The following METTL25 variants were observed in gnomAD, a reference collection of about 807,000 sequenced individuals.
METTL25 encodes the protein methyltransferase like 25.
Under a neutral mutation model 71.6 loss-of-function variants are expected in METTL25, and 64 were observed. That is an observed-to-expected ratio of 0.89 (90% confidence interval 0.73 to 1.10). METTL25 has a LOEUF of 1.10. Among genes scored for constraint, METTL25 ranks in the 50% least tolerant of loss-of-function variants. METTL25 has a pLI of 0.00. For synonymous variants in METTL25, 287 were observed against 250.3 expected (o/e 1.15, Z -1.38); for missense variants, 807 against 707.0 (o/e 1.14, Z -1.60).
At chr12:82,383,554 T>G (rs1189217892) in intron 1 of METTL25, among the ~76,000 whole-genome samples, 1 of 152,116 alleles carries the variant, frequency 6.6e-6, no homozygotes, top group East Asian at 1.9e-4. Flanking sequence ...ACATGAAAGG[T>G]AAAGTGCTTA....
intron 9 of METTL25, among the ~76,000 whole-genome samples, chr12:82,465,991 G>GT (rs71068931): frequency 0.95 from 133,995 of 141,206 alleles, 63,620 homozygotes; most frequent in South Asian, 0.97. Flanking sequence ...CTTCTTGCCT[G>GT]TTTTTTTTTT....
chr12:82,405,237 CTT>C (rs1446011789), intron 5 of METTL25, among the ~76,000 whole-genome samples: 8 of 152,294 alleles, frequency 5.3e-5, no homozygotes, highest in East Asian at 3.9e-4. Flanking sequence ...CTCTCACACT[CTT>C]TTCTGCACAG....
At chr12:82,406,664 A>G (rs2137041779) in intron 5 of METTL25, among the ~76,000 whole-genome samples, 1 of 152,318 alleles carries the variant, frequency 6.6e-6, no homozygotes, top group South Asian at 2.1e-4. Context: ...AACATAAAAT[A>G]TGGCACTAGT....
At chr12:82,434,927 G>A (rs1412033315) in intron 7 of METTL25, among the ~76,000 whole-genome samples, 2 of 151,410 alleles carry the variant, frequency 1.3e-5, no homozygotes, top group African/African-American at 4.8e-5. Context: ...GAAAATGTCT[G>A]CATTATGCTC....
At chr12:82,395,603 G>A (rs769574776) in intron 3 of METTL25, among the ~76,000 whole-genome samples, 4 of 151,978 alleles carry the variant, frequency 2.6e-5, no homozygotes, top group Non-Finnish European at 5.9e-5. Context: ...TCAGCAAAAT[G>A]TATCTTTACT....
intron 1 of METTL25, among the ~76,000 whole-genome samples, chr12:82,367,121 A>G (rs1040368962): frequency 1.3e-5 from 2 of 152,106 alleles, no homozygotes; most frequent in Admixed American, 6.5e-5. Flanking sequence ...CCCTTTCCCC[A>G]TATCTTTCAA....
intron 5 of METTL25, among the ~76,000 whole-genome samples, chr12:82,404,134 A>C (rs556398055): frequency 2.0e-5 from 3 of 152,260 alleles, no homozygotes; most frequent in African/African-American, 7.2e-5. Context: ...ATAGTTAATT[A>C]AATTATAATT....
intron 9 of METTL25, among the ~76,000 whole-genome samples, chr12:82,471,982 T>A (rs912781816): frequency 6.6e-6 from 1 of 152,226 alleles, no homozygotes; most frequent in African/African-American, 2.4e-5. Flanking sequence ...ATTTACTTAA[T>A]ATGAATTTTT....
At chr12:82,393,905 T>G (rs1266905392) in intron 3 of METTL25, among the ~76,000 whole-genome samples, 1 of 152,038 alleles carries the variant, frequency 6.6e-6, no homozygotes, top group Admixed American at 6.6e-5. Context: ...TTAGTACTAC[T>G]TTTGCTGTAT....
chr12:82,372,593 C>T lies in METTL25; in HGVS notation c.259+13769C>T, dbSNP rs1883354130. ...ATAGTATTGTAATTTGTACTGCCCT[C>T]AGGTGGCCATTTTTCCCCATCAGAG... On this transcript the variant is annotated intron_variant, in intron 1 of 11. Transcript: ENST00000248306. Among the ~76,000 whole-genome samples the T allele has an allele frequency of 2.0e-5, 3 of 152,314 alleles. No homozygotes were observed. The South Asian group carries it at 6.2e-4, about 32-fold the overall frequency.
intron 1 of METTL25, among the ~76,000 whole-genome samples, chr12:82,380,889 G>C (rs1483829040): frequency 6.6e-6 from 1 of 152,160 alleles, no homozygotes; most frequent in Non-Finnish European, 1.5e-5. Flanking sequence ...GGTAACATTT[G>C]AGCAAACACC....
At chr12:82,371,234 T>C (rs1283498061) in intron 1 of METTL25, among the ~76,000 whole-genome samples, 2 of 152,138 alleles carry the variant, frequency 1.3e-5, no homozygotes, top group African/African-American at 2.4e-5. Flanking sequence ...CCTCAATTGT[T>C]AAAAGTACCC....
chr12:82,363,275 T>A (rs1268299430), intron 1 of METTL25, among the ~76,000 whole-genome samples: 2 of 152,192 alleles, frequency 1.3e-5, no homozygotes, highest in African/African-American at 4.8e-5. Flanking sequence ...TCCCACAAGT[T>A]TGCTGCACCT....
At chr12:82,387,144 A>C (rs1885114930) in intron 2 of METTL25, among the ~76,000 whole-genome samples, 177 bp downstream of exon 2, 1 of 152,170 alleles carries the variant, frequency 6.6e-6, no homozygotes, top group African/African-American at 2.4e-5. Flanking sequence ...TATATTAAAC[A>C]GAACAACTTG....
Position 82,358,597 on chromosome 12 carries a change from C to T in METTL25, c.32C>T (p.Pro11Leu). The change falls in exon 1 of 12, where the codon CCG becomes CTG. Residue 11 changes from proline to leucine, a missense_variant. By Grantham distance (98) the Pro-to-Leu change is moderately conservative. Transcript: ENST00000248306. MAASCPLPVT[P>L]DLPTLRAKLQ... Reference sequence around the variant, plus strand: ...GCTTCTTGCCCTCTCCCGGTGACCCCGGACCTGCCCACGCTGCGTGCCAAG... The same window carrying T: ...GCTTCTTGCCCTCTCCCGGTGACCCTGGACCTGCCCACGCTGCGTGCCAAG... The T allele has an allele frequency of 6.2e-7, 1 of 1,613,016 alleles. No homozygotes were observed. The highest frequency in any genetic ancestry group is 1.1e-5 in the South Asian group (1 of 91,084).
At chr12:82,384,726 G>T (rs140655463) in intron 1 of METTL25, among the ~76,000 whole-genome samples, 140 of 151,940 alleles carry the variant, frequency 9.2e-4, no homozygotes, top group Non-Finnish European at 1.7e-3. Context: ...ATGTTGGATT[G>T]GATTTTTTTC....
rs905753982 is a variant in METTL25, at chr12:82,415,598, A to G, written c.1279+12468A>G. 3.3e-5 allele frequency among the ~76,000 whole-genome samples: 5 copies of G among 152,138 alleles called. No individual in the cohort carries two copies. In the South Asian group the frequency reaches 1.0e-3, roughly 31 times the overall value. ...GTGTGAGACTAAACGCCTGAGAATCAGGAATGCCACTGGTGTAAGTCACAG... is the reference window on the plus strand; with the variant it reads ...GTGTGAGACTAAACGCCTGAGAATCGGGAATGCCACTGGTGTAAGTCACAG... On this transcript the variant is annotated intron_variant, in intron 5 of 11. Coordinates refer to ENST00000248306, the MANE Select transcript of METTL25 (RefSeq NM_032230.3).
At chr12:82,444,179 A>C (rs1479998389) in intron 8 of METTL25, among the ~76,000 whole-genome samples, 1 of 152,236 alleles carries the variant, frequency 6.6e-6, no homozygotes, top group Non-Finnish European at 1.5e-5. Flanking sequence ...TCAAAAAAGC[A>C]GCAAGGGAAA....
chr12:82,416,494 A>C (rs1207931969), intron 5 of METTL25, among the ~76,000 whole-genome samples: 2 of 136,698 alleles, frequency 1.5e-5, no homozygotes, highest in African/African-American at 5.5e-5. Flanking sequence ...TCCAGGCTGG[A>C]GTGCAGTATC....
Sources: gnomAD v4.1 joint callset for allele counts (sites outside exome capture counted in the v4.1 genomes callset) on GRCh38, gnomAD v4.1.1 for gene constraint, MANE v1.5 for transcripts, NCBI Gene and HGNC (gene_info 2026-07-23, HGNC 2026-07-21) for gene names.